Variants in DGAT2 observed in about 807,000 individuals in gnomAD.
DGAT2 encodes the protein acyl-CoA retinol O-fatty-acyltransferase.
Under a neutral mutation model 48.4 loss-of-function variants are expected in DGAT2, and 33 were observed. That is an observed-to-expected ratio of 0.68 (90% CI 0.52 to 0.91). The LOEUF is 0.91. Ranked by LOEUF, DGAT2 falls within the 40% of genes least tolerant of loss-of-function variation. DGAT2 has a pLI of 0.00. For synonymous variants in DGAT2, 191 were observed against 194.1 expected (o/e 0.98, Z 0.13); for missense variants, 446 against 493.7 (o/e 0.90, Z 0.92).
intron 1 of DGAT2, among the ~76,000 whole-genome samples, chr11:75,780,220 C>A (rs1010818005): frequency 6.6e-6 from 1 of 152,200 alleles, no homozygotes; most frequent in African/African-American, 2.4e-5. Context: ...CTGATTGCAG[C>A]ATCGGCATCC....
chr11:75,798,508 C>A lies in DGAT2; in HGVS notation c.1012+79C>A. 2.7e-6 allele frequency: 4 copies of A among 1,483,700 alleles called. No homozygotes were observed. The South Asian group carries it at 4.7e-5, about 17-fold the overall frequency. The allele number at this position is 1,483,700 out of a possible 1,614,324, so 91.9% of individuals were successfully genotyped here. A position where few individuals can be genotyped will look rare whatever the true frequency, so the allele number is the denominator to read the frequency against. On this transcript the variant is annotated intron_variant, in intron 7 of 7. Transcript: ENST00000228027. ...GCTAATCAGCAGTAGAGACGGGATTCCAATGCAGGCCACCTGGCTCTGATG... is the reference window on the plus strand; with the variant it reads ...GCTAATCAGCAGTAGAGACGGGATTACAATGCAGGCCACCTGGCTCTGATG...
At chr11:75,772,905 G>A (rs1223977236) in intron 1 of DGAT2, among the ~76,000 whole-genome samples, 3 of 152,192 alleles carry the variant, frequency 2.0e-5, no homozygotes, top group Non-Finnish European at 2.9e-5. Flanking sequence ...CAGGATAGTC[G>A]CTTGAACCCA....
At chr11:75,781,487 G>A (rs1376609939) in intron 1 of DGAT2, among the ~76,000 whole-genome samples, 2 of 152,248 alleles carry the variant, frequency 1.3e-5, no homozygotes, top group Non-Finnish European at 2.9e-5. Context: ...GAGGGCCTGG[G>A]CCTGAGAAAG....
Position 75,768,834 on chromosome 11 carries a change from C to A in DGAT2, c.-158C>A. 2.0e-6 allele frequency: 2 copies of A among 981,836 alleles called. No individual in the cohort carries two copies. Among genetic ancestry groups the A allele is most frequent in the Non-Finnish European group, 2.7e-6 (2 of 735,128 alleles). The allele number at this position is 981,836 out of a possible 1,614,324, so 60.8% of individuals were successfully genotyped here. On this transcript the variant is annotated 5_prime_UTR_variant, in exon 1 of 8. Coordinates refer to ENST00000228027, the MANE Select transcript of DGAT2 (RefSeq NM_032564.5). ...CTGTTTCTCTCGCGCCACCACTGGC[C>A]GCCGGCCGCAGCTCCAGGTGTCCTA...
intron 1 of DGAT2, among the ~76,000 whole-genome samples, chr11:75,779,206 G>T (rs1944835627): frequency 6.6e-6 from 1 of 152,176 alleles, no homozygotes; most frequent in Non-Finnish European, 1.5e-5. Context: ...TGGGTTGCGG[G>T]GGTGGAATCC....
Position 75,798,407 on chromosome 11 carries a change from C to T in DGAT2, c.990C>T (p.Tyr330=). The part of the protein sequence containing the change: ...FSSDTWGLVP[Y]SKPITTVVGE... Reference sequence around the variant, plus strand: ...CCGACACCTGGGGGCTGGTGCCCTACTCCAAGCCCATCACCACTGTTGGTA... The same window carrying T: ...CCGACACCTGGGGGCTGGTGCCCTATTCCAAGCCCATCACCACTGTTGGTA... Residue 330 remains tyrosine, a synonymous_variant, in exon 7 of 8, where the codon TAC becomes TAT. Transcript: ENST00000228027. The T allele has an allele frequency of 1.2e-6, 2 of 1,613,506 alleles. No homozygotes were observed. The highest frequency in any genetic ancestry group is 1.7e-6 in the Non-Finnish European group (2 of 1,180,036).
At chr11:75,786,287 A>G (rs1157963081) in intron 2 of DGAT2, among the ~76,000 whole-genome samples, 1 of 152,220 alleles carries the variant, frequency 6.6e-6, no homozygotes, top group Admixed American at 6.5e-5. Context: ...TCTTGTTAAA[A>G]AAGGAAGTGG....
chr11:75,781,174 A>G (rs1230346830), intron 1 of DGAT2, among the ~76,000 whole-genome samples: 13 of 152,222 alleles, frequency 8.5e-5, no homozygotes, highest in Admixed American at 8.5e-4. Flanking sequence ...GGGTGGCAAG[A>G]TAGCCCCTGG....
chr11:75,772,127 C>T (rs2135756263), intron 1 of DGAT2, among the ~76,000 whole-genome samples: 2 of 152,270 alleles, frequency 1.3e-5, no homozygotes, highest in East Asian at 3.9e-4. Flanking sequence ...TGTAGGTGCT[C>T]AGTGGTTTGC....
chr11:75,784,267 TTGAC>T (rs1218444458), intron 1 of DGAT2: 1 of 172,972 alleles, frequency 5.8e-6, no homozygotes, highest in Non-Finnish European at 1.2e-5. Flanking sequence ...GGACAGGAGT[TTGAC>T]TGGGGTGGAG....
chr11:75,786,613 C>T (rs1371082566), intron 2 of DGAT2, among the ~76,000 whole-genome samples: 3 of 152,218 alleles, frequency 2.0e-5, no homozygotes, highest in East Asian at 3.8e-4. Context: ...TCAACACCCT[C>T]GCCTGGCCTC....
chr11:75,797,232 G>C lies in DGAT2; in HGVS notation c.709G>C (p.Val237Leu). 3.2e-6 allele frequency: 5 copies of C among 1,581,538 alleles called. No individual in the cohort carries two copies. Among genetic ancestry groups the C allele is most frequent in the Non-Finnish European group, 4.3e-6 (5 of 1,163,224 alleles). ...KNGSGNAIII[V>L]VGGAAESLSS... ...TGGGAGTGGCAATGCTATCATCATC[G>C]TGGTCGGGGGTGCGGCTGAGTCTCT... Residue 237 changes from valine to leucine, a missense_variant, in exon 6 of 8, where the codon GTG becomes CTG. Transcript: ENST00000228027.
chr11:75,798,860 A>C (rs1031182991), intron 7 of DGAT2, among the ~76,000 whole-genome samples: 1 of 152,188 alleles, frequency 6.6e-6, no homozygotes, highest in Non-Finnish European at 1.5e-5. Flanking sequence ...TATCAGAAAC[A>C]ATAGCCTACG....
At chr11:75,783,559 T>G (rs1383938816) in intron 1 of DGAT2, among the ~76,000 whole-genome samples, 1 of 152,190 alleles carries the variant, frequency 6.6e-6, no homozygotes, top group East Asian at 1.9e-4. Context: ...GCTCTGGGTC[T>G]TTCACAGAGC....
At position 75,776,429 on chromosome 11, in the gene DGAT2, A is replaced by G. The variant is rs116901260; in HGVS notation, c.121+7317A>G. On this transcript the variant is annotated intron_variant, in intron 1 of 7. Coordinates refer to ENST00000228027, the MANE Select transcript of DGAT2 (RefSeq NM_032564.5). ...GATGGGACAGGCAGGGATGCGGTCAATCCAACCCAGGTGGAGGAGAAGGAA... is the reference window on the plus strand; with the variant it reads ...GATGGGACAGGCAGGGATGCGGTCAGTCCAACCCAGGTGGAGGAGAAGGAA... 25 of 152,420 alleles carry G rather than the reference A, an allele frequency of 1.6e-4. No individual in the cohort carries two copies. In the East Asian group the frequency reaches 3.1e-3, roughly 19 times the overall value. 9.4% of individuals were successfully genotyped at this position (152,420 alleles called of 1,614,324 possible).
At chr11:75,797,078 G>A in intron 5 of DGAT2, 80 bp from the exon 6 acceptor site, 1 of 1,387,272 alleles carries the variant, frequency 7.2e-7, no homozygotes, top group Non-Finnish European at 9.5e-7. Flanking sequence ...GGTTCTTTAT[G>A]TTTTATACCT....
chr11:75,771,093 T>C (rs982641240), intron 1 of DGAT2, among the ~76,000 whole-genome samples: 4 of 152,076 alleles, frequency 2.6e-5, no homozygotes, highest in Admixed American at 2.6e-4. Context: ...GTAGAGACCA[T>C]GGATTCTGTG....
chr11:75,791,658 C>A (rs1478382107), intron 4 of DGAT2, among the ~76,000 whole-genome samples: 1 of 152,206 alleles, frequency 6.6e-6, no homozygotes, highest in Admixed American at 6.5e-5. Context: ...CTGCCTGTTT[C>A]TCTGGGAGAG....
chr11:75,781,026 C>T (rs1422457383), intron 1 of DGAT2, among the ~76,000 whole-genome samples: 1 of 152,246 alleles, frequency 6.6e-6, no homozygotes, highest in African/African-American at 2.4e-5. Context: ...GGCCTTCGGG[C>T]AGCTTCCAGT....
Sources: gnomAD v4.1 joint callset for allele counts (sites outside exome capture counted in the v4.1 genomes callset) on GRCh38, gnomAD v4.1.1 for gene constraint, MANE v1.5 for transcripts, NCBI Gene and HGNC (gene_info 2026-07-23, HGNC 2026-07-21) for gene names.